Variants in CLMP observed in about 807,000 individuals in gnomAD.
The protein encoded by CLMP is CXADR-like membrane protein.
CLMP carries 27 observed loss-of-function variants against 45.2 expected under a neutral mutation model. The observed-to-expected ratio is 0.60, with a 90% CI of 0.44 to 0.82. The LOEUF (loss-of-function observed/expected upper bound fraction) is 0.82, where lower values mean the gene tolerates loss of function less well. Among genes scored for constraint, CLMP ranks in the 40% least tolerant of loss-of-function variants. CLMP has a pLI of 0.00. For synonymous variants in CLMP, 167 were observed against 171.4 expected, an observed-to-expected ratio of 0.97 and a Z score of 0.20; for missense variants, 403 against 448.4, an observed-to-expected ratio of 0.90 and a Z score of 0.91.
chr11:123,148,222 G>T (rs887047655), intron 1 of CLMP, among the ~76,000 whole-genome samples: 2 of 152,196 alleles, frequency 1.3e-5, no homozygotes, highest in Non-Finnish European at 2.9e-5. Context: ...GGGCCGCAGG[G>T]CTTTTAAGTG....
At chr11:123,114,388 G>A (rs1860689896) in intron 1 of CLMP, among the ~76,000 whole-genome samples, 1 of 151,574 alleles carries the variant, frequency 6.6e-6, no homozygotes, top group Non-Finnish European at 1.5e-5. Context: ...GGGCAGAAGA[G>A]CCATGAAACA....
intron 1 of CLMP, among the ~76,000 whole-genome samples, chr11:123,168,356 C>T (rs74652266): frequency 4.6e-5 from 7 of 152,320 alleles, no homozygotes; most frequent in East Asian, 1.9e-4. Context: ...AGCTGCCCCC[C>T]CTGGTTCTTC....
Position 123,074,686 on chromosome 11 carries a change from G to A in CLMP, c.821+16C>T, listed in dbSNP as rs201041176. 2.5e-5 allele frequency: 40 copies of A among 1,613,008 alleles called. No homozygotes were observed. The highest frequency in any genetic ancestry group is 1.6e-4 in the Middle Eastern group (1 of 6,078). ...AAAACAGAAGCCCCGTAAAAGTAGG[G>A]ATGTGGGAGGTTTACCGAATTTCAT... On this transcript the variant is annotated intron_variant, in intron 6 of 6. Transcript: ENST00000448775.
intron 1 of CLMP, among the ~76,000 whole-genome samples, chr11:123,154,514 T>C (rs925790416): frequency 6.6e-6 from 1 of 152,158 alleles, no homozygotes; most frequent in African/African-American, 2.4e-5. Context: ...TCTGAAGTTT[T>C]ATACTGTTTG....
intron 1 of CLMP, among the ~76,000 whole-genome samples, chr11:123,144,679 ATT>A (rs112635472): frequency 9.9e-5 from 15 of 152,008 alleles, no homozygotes; most frequent in African/African-American, 3.6e-4. Flanking sequence ...GGGGATAATG[ATT>A]TTTTTTGGTA....
At chr11:123,134,609 C>T (rs1398908252) in intron 1 of CLMP, among the ~76,000 whole-genome samples, 1 of 151,566 alleles carries the variant, frequency 6.6e-6, no homozygotes, top group African/African-American at 2.4e-5. Context: ...GTCAGGAGTT[C>T]GAGACCAGCC....
At chr11:123,125,107 A>G (rs1052047990) in intron 1 of CLMP, among the ~76,000 whole-genome samples, 2 of 152,146 alleles carry the variant, frequency 1.3e-5, no homozygotes, top group African/African-American at 4.8e-5. Flanking sequence ...CATGTTGCCT[A>G]GATGGGTCTT....
chr11:123,174,717 T>A (rs1591486986), intron 1 of CLMP, among the ~76,000 whole-genome samples: 1 of 152,316 alleles, frequency 6.6e-6, no homozygotes, highest in South Asian at 2.1e-4. Context: ...CTCTCTTTTT[T>A]AAGGCCCCAT....
intron 1 of CLMP, among the ~76,000 whole-genome samples, chr11:123,104,833 A>G (rs761145759): frequency 1.2e-4 from 19 of 152,204 alleles, no homozygotes; most frequent in Admixed American, 7.9e-4. Context: ...TTGTTAGGAA[A>G]GACTTTAGAG....
chr11:123,127,232 C>T (rs1860908844), intron 1 of CLMP, among the ~76,000 whole-genome samples: 1 of 152,106 alleles, frequency 6.6e-6, no homozygotes, highest in Admixed American at 6.6e-5. Flanking sequence ...AGTGATTCTC[C>T]TGCCTCAACC....
At chr11:123,110,699 C>T (rs1381904759) in intron 1 of CLMP, among the ~76,000 whole-genome samples, 1 of 152,108 alleles carries the variant, frequency 6.6e-6, no homozygotes, top group Non-Finnish European at 1.5e-5. Context: ...GGATATTGAG[C>T]ATCTACTTCC....
chr11:123,086,017 T>A (rs577235866), intron 2 of CLMP, among the ~76,000 whole-genome samples: 2 of 152,096 alleles, frequency 1.3e-5, no homozygotes, highest in South Asian at 4.1e-4. Context: ...CCTCAGATGA[T>A]CTGCCTGCCT....
Position 123,158,522 on chromosome 11 carries a change from T to C in CLMP, c.28+36391A>G, listed in dbSNP as rs111631825. Reference sequence around the variant, plus strand: ...CCCTGGGTGGACCTGCCCTCCTCTATGGGCCTCACTGTCTCCCCCTTTAAA... The same window carrying C: ...CCCTGGGTGGACCTGCCCTCCTCTACGGGCCTCACTGTCTCCCCCTTTAAA... On this transcript the variant is annotated intron_variant, in intron 1 of 6. Transcript: ENST00000448775. Among the ~76,000 whole-genome samples, 380 of 152,276 alleles carry C rather than the reference T, an allele frequency of 2.5e-3. 2 individuals are homozygous for C. The highest frequency in any genetic ancestry group is 8.5e-3 in the African/African-American group (353 of 41,540).
intron 1 of CLMP, among the ~76,000 whole-genome samples, chr11:123,112,638 A>G (rs1304879533): frequency 6.6e-6 from 1 of 152,094 alleles, no homozygotes; most frequent in Non-Finnish European, 1.5e-5. Flanking sequence ...GTGCTCGGCC[A>G]TCTGCAGGCC....
chr11:123,159,742 G>C (rs1042969792), intron 1 of CLMP, among the ~76,000 whole-genome samples: 1 of 152,068 alleles, frequency 6.6e-6, no homozygotes, highest in African/African-American at 2.4e-5. Flanking sequence ...GGGATGAGTA[G>C]GTGTTTTCCA....
chr11:123,091,021 G>A lies in CLMP; in HGVS notation c.187-6308C>T, dbSNP rs927666572. ...TGCTAAGTCTGATTAAACTGCGAGG[G>A]TCCCAGTATCTTCAAGGCCTATCTA... On this transcript the variant is annotated intron_variant, in intron 2 of 6. Coordinates refer to ENST00000448775, the MANE Select transcript of CLMP (RefSeq NM_024769.5). 2.0e-5 allele frequency among the ~76,000 whole-genome samples: 3 copies of A among 152,134 alleles called. No homozygotes were observed. The South Asian group carries it at 6.2e-4, about 32-fold the overall frequency.
At chr11:123,081,186 A>G (rs1483809632) in intron 5 of CLMP, among the ~76,000 whole-genome samples, 6 of 151,796 alleles carry the variant, frequency 4.0e-5, no homozygotes, top group Non-Finnish European at 1.5e-5. Flanking sequence ...ACCAACAACA[A>G]AAAAAAACAG....
chr11:123,102,780 C>T (rs1435137357), intron 1 of CLMP, among the ~76,000 whole-genome samples: 1 of 136,066 alleles, frequency 7.3e-6, no homozygotes, highest in Admixed American at 7.9e-5. Flanking sequence ...TGGTCTCGAA[C>T]TCTTGGCCTC....
At chr11:123,105,689 C>T (rs1860534508) in intron 1 of CLMP, among the ~76,000 whole-genome samples, 1 of 151,854 alleles carries the variant, frequency 6.6e-6, no homozygotes. Context: ...CTTGGACTCC[C>T]AAAGTGCTGG....
Sources: gnomAD v4.1 joint callset for allele counts (sites outside exome capture counted in the v4.1 genomes callset) on GRCh38, gnomAD v4.1.1 for gene constraint, MANE v1.5 for transcripts, NCBI Gene and HGNC (gene_info 2026-07-23, HGNC 2026-07-21) for gene names.